The following SPAG16 variants were observed in gnomAD, a reference collection of about 807,000 sequenced individuals.
SPAG16 encodes the protein sperm-associated antigen 16 protein.
A neutral mutation model predicts 80.4 loss-of-function variants in SPAG16; 86 were observed. The observed-to-expected ratio is 1.07, with a 90% CI of 0.90 to 1.28. The LOEUF (loss-of-function observed/expected upper bound fraction) is 1.28. Ranked by LOEUF, SPAG16 falls within the 50% of genes most tolerant of loss-of-function variation. The pLI is 0.00. For missense variants in SPAG16, 870 were observed against 765.3 expected, an observed-to-expected ratio of 1.14 and a Z score of -1.61; for synonymous variants, 294 against 265.9, an observed-to-expected ratio of 1.11 and a Z score of -1.03.
chr2:214,308,616 G>A (rs1239276313), intron 15 of SPAG16, among the ~76,000 whole-genome samples: 2 of 152,110 alleles, frequency 1.3e-5, no homozygotes, highest in East Asian at 1.9e-4. Context: ...CTTGTCTGAA[G>A]AGGATGTTAT....
chr2:214,093,545 GTGTA>G (rs1485577585), intron 13 of SPAG16, among the ~76,000 whole-genome samples: 1 of 151,978 alleles, frequency 6.6e-6, no homozygotes, highest in African/African-American at 2.4e-5. Context: ...GTCCATGTAT[GTGTA>G]TGTATCTTTG....
intron 10 of SPAG16, among the ~76,000 whole-genome samples, chr2:213,658,907 G>T (rs557861863): frequency 6.6e-6 from 1 of 152,180 alleles, no homozygotes; most frequent in South Asian, 2.1e-4. Flanking sequence ...GTGATGGCTT[G>T]TGCCTGTATT....
chr2:214,019,982 A>G (rs1295143260), intron 13 of SPAG16, among the ~76,000 whole-genome samples: 1 of 152,198 alleles, frequency 6.6e-6, no homozygotes, highest in African/African-American at 2.4e-5. Context: ...GCCAAAGCTC[A>G]CTGTCTCAAG....
chr2:214,254,650 G>A (rs764419720), intron 15 of SPAG16, among the ~76,000 whole-genome samples: 7 of 151,916 alleles, frequency 4.6e-5, no homozygotes, highest in East Asian at 1.9e-4. Context: ...ACTGAGTTTC[G>A]TTGATTCTTT....
chr2:213,608,377 T>G (rs2061336192), intron 10 of SPAG16, among the ~76,000 whole-genome samples: 1 of 152,100 alleles, frequency 6.6e-6, no homozygotes, highest in Admixed American at 6.5e-5. Context: ...CCTGTGTCCA[T>G]GTGTTCTCAT....
At chr2:213,626,708 T>C (rs2061974847) in intron 10 of SPAG16, among the ~76,000 whole-genome samples, 1 of 148,292 alleles carries the variant, frequency 6.7e-6, no homozygotes, top group African/African-American at 2.5e-5. Context: ...AGTGCAGTCA[T>C]GTCATCTTGG....
chr2:213,323,875 A>T (rs1173552290), intron 5 of SPAG16, among the ~76,000 whole-genome samples: 1 of 152,204 alleles, frequency 6.6e-6, no homozygotes, highest in East Asian at 1.9e-4. Context: ...TAAGACAGTC[A>T]CAGAGGGATG....
chr2:213,606,664 T>G lies in SPAG16; in HGVS notation c.1070+116574T>G, dbSNP rs571163837. 3.3e-5 allele frequency among the ~76,000 whole-genome samples: 5 copies of G among 152,314 alleles called. No homozygotes were observed. In the South Asian group the frequency reaches 1.0e-3, roughly 32 times the overall value. ...AGCTATGCCTACTACAGATCATAATTTCTATTCTTATCTTTAGCCTGGATT... is the reference window on the plus strand; with the variant it reads ...AGCTATGCCTACTACAGATCATAATGTCTATTCTTATCTTTAGCCTGGATT... On this transcript the variant is annotated intron_variant, in intron 10 of 15. Transcript: ENST00000331683.
At chr2:213,340,520 C>T (rs78812496) in intron 6 of SPAG16, among the ~76,000 whole-genome samples, 5,251 of 152,092 alleles carry the variant, frequency 0.035, 280 homozygotes, top group African/African-American at 0.12. Flanking sequence ...CATCCCAATA[C>T]GACTGGAGTG....
chr2:214,410,125 C>T lies in SPAG16; in HGVS notation c.1721-15C>T. ...TTGATTCATTCTCTCTCTCTCTCCT[C>T]TCTGTCTCCCTCAGGTCGAGTTTTA... On this transcript the variant is annotated splice_polypyrimidine_tract_variant and intron_variant, in intron 15 of 15. Transcript: ENST00000331683. 1 of 1,613,018 alleles carries T rather than the reference C, an allele frequency of 6.2e-7. No individual in the cohort carries two copies. Among genetic ancestry groups the T allele is most frequent in the Non-Finnish European group, 8.5e-7 (1 of 1,179,040 alleles).
At chr2:213,817,231 CTTAT>C (rs2072603335) in intron 10 of SPAG16, among the ~76,000 whole-genome samples, 1 of 138,110 alleles carries the variant, frequency 7.2e-6, no homozygotes, top group Non-Finnish European at 1.5e-5. Flanking sequence ...TATATATATG[CTTAT>C]ATATATATAC....
chr2:213,748,891 G>A (rs562917522), intron 10 of SPAG16, among the ~76,000 whole-genome samples: 3 of 152,290 alleles, frequency 2.0e-5, no homozygotes, highest in Admixed American at 6.5e-5. Flanking sequence ...GCACACGTCT[G>A]TAATCCTAGC....
At chr2:213,298,283 T>G (rs12472656) in intron 3 of SPAG16, among the ~76,000 whole-genome samples, 42,053 of 152,086 alleles carry the variant, frequency 0.28, 6,532 homozygotes, top group Middle Eastern at 0.45. Flanking sequence ...GGACATAGCT[T>G]CTTCTTGGTA....
intron 9 of SPAG16, among the ~76,000 whole-genome samples, chr2:213,402,173 A>G (rs1418610813): frequency 1.3e-5 from 2 of 151,942 alleles, no homozygotes; most frequent in Non-Finnish European, 2.9e-5. Flanking sequence ...TTTTTTAAAA[A>G]TTTATTTCAT....
chr2:214,032,279 G>T (rs1300772369), intron 13 of SPAG16, among the ~76,000 whole-genome samples: 2 of 152,158 alleles, frequency 1.3e-5, no homozygotes. Context: ...AAAGGTGATT[G>T]TTAGCTCCAT....
intron 10 of SPAG16, among the ~76,000 whole-genome samples, chr2:213,836,141 A>G (rs2074058928): frequency 6.6e-6 from 1 of 150,902 alleles, no homozygotes; most frequent in South Asian, 2.1e-4. Context: ...CTAATAACCA[A>G]TTCAAACTAA....
chr2:213,749,336 C>T (rs2067979936), intron 10 of SPAG16, among the ~76,000 whole-genome samples: 1 of 151,664 alleles, frequency 6.6e-6, no homozygotes, highest in Non-Finnish European at 1.5e-5. Context: ...TCTGTATTCT[C>T]CCAGTTAACA....
chr2:213,627,589 C>T (rs1337477533), intron 10 of SPAG16, among the ~76,000 whole-genome samples: 1 of 152,164 alleles, frequency 6.6e-6, no homozygotes, highest in Non-Finnish European at 1.5e-5. Context: ...TTTTAGTTGT[C>T]TGTCTCCTTT....
chr2:213,721,350 C>T (rs1426625292), intron 10 of SPAG16, among the ~76,000 whole-genome samples: 1 of 152,138 alleles, frequency 6.6e-6, no homozygotes, highest in East Asian at 1.9e-4. Flanking sequence ...CTGCACACTT[C>T]GGCCTCCCAA....
Sources: gnomAD v4.1 joint callset for allele counts (sites outside exome capture counted in the v4.1 genomes callset) on GRCh38, gnomAD v4.1.1 for gene constraint, MANE v1.5 for transcripts, NCBI Gene and HGNC (gene_info 2026-07-23, HGNC 2026-07-21) for gene names.